The following XRCC5 variants were observed in gnomAD, a reference collection of about 807,000 sequenced individuals.
XRCC5 encodes DNA repair protein Ku80.
Under a neutral mutation model 95.7 loss-of-function variants are expected in XRCC5, and 12 were observed. The observed-to-expected ratio is 0.13, with a 90% CI of 0.08 to 0.20. The LOEUF is 0.20. Among genes scored for constraint, XRCC5 ranks in the 10% least tolerant of loss-of-function variants. The pLI is 1.00. For missense variants in XRCC5, 595 were observed against 873.9 expected (o/e 0.68, Z 4.02); for synonymous variants, 281 against 290.3 (o/e 0.97, Z 0.33).
At chr2:216,198,535 T>C (rs189929178) in intron 19 of XRCC5, among the ~76,000 whole-genome samples, 49 of 81,008 alleles carry the variant, frequency 6.0e-4, no homozygotes, top group Non-Finnish European at 5.6e-4. Context: ...AAAAATGCTT[T>C]TATTTATTTA....
chr2:216,112,425 G>T (rs1014486288), intron 1 of XRCC5, among the ~76,000 whole-genome samples: 1 of 152,174 alleles, frequency 6.6e-6, no homozygotes, highest in Non-Finnish European at 1.5e-5. Context: ...ATGGAACATT[G>T]TTCTGGTATT....
At chr2:216,178,883 A>G (rs562231982) in intron 16 of XRCC5, among the ~76,000 whole-genome samples, 2 of 152,372 alleles carry the variant, frequency 1.3e-5, no homozygotes, top group East Asian at 3.9e-4. Context: ...AGGCTTTTAG[A>G]GGAATAAACC....
At position 216,112,961 on chromosome 2, in the gene XRCC5, A is replaced by C. The variant is rs12468192; in HGVS notation, c.22-55A>C. On this transcript the variant is annotated intron_variant, in intron 1 of 20. Coordinates refer to ENST00000392132, the MANE Select transcript of XRCC5 (RefSeq NM_021141.4). ...AATACAATAAGCAAGGGACATTCTT[A>C]CAGTCTTTTCTTACGACTTATTTTC... 1.3e-3 allele frequency: 1,770 copies of C among 1,369,538 alleles called. 18 individuals are homozygous for C. The African/African-American group carries it at 0.023, about 18-fold the overall frequency. 84.8% of individuals were successfully genotyped at this position (1,369,538 alleles called of 1,614,324 possible).
At chr2:216,152,838 G>A (rs1043471049) in intron 14 of XRCC5, among the ~76,000 whole-genome samples, 2 of 151,866 alleles carry the variant, frequency 1.3e-5, no homozygotes, top group Non-Finnish European at 2.9e-5. Flanking sequence ...TGTCGAGATA[G>A]AGTCTTACTT....
At chr2:216,143,701 C>CT (rs1238978612) in intron 13 of XRCC5, among the ~76,000 whole-genome samples, 2,295 of 142,748 alleles carry the variant, frequency 0.016, 49 homozygotes, top group African/African-American at 0.053. Flanking sequence ...CTATAAGCTG[C>CT]TTTTTTTTTT....
intron 16 of XRCC5, among the ~76,000 whole-genome samples, chr2:216,163,420 G>T (rs1447239227): frequency 1.3e-5 from 2 of 152,016 alleles, no homozygotes; most frequent in Non-Finnish European, 2.9e-5. Context: ...CTCCTGAGTA[G>T]CTGGAACTAC....
At position 216,113,208 on chromosome 2, in the gene XRCC5, G is replaced by C. The variant is rs1332202013; in HGVS notation, c.135+79G>C. On this transcript the variant is annotated intron_variant, in intron 2 of 20. Transcript: ENST00000392132. Reference sequence around the variant, plus strand: ...CTCTACCTACTAATGCAAGATACCAGCCTCCTTATAGTGTCCAGCCCCTCT... The same window carrying C: ...CTCTACCTACTAATGCAAGATACCACCCTCCTTATAGTGTCCAGCCCCTCT... 8 of 1,237,938 alleles carry C rather than the reference G, an allele frequency of 6.5e-6. No homozygotes were observed. The African/African-American group carries it at 1.0e-4, about 16-fold the overall frequency. 76.7% of individuals were successfully genotyped at this position (1,237,938 alleles called of 1,614,324 possible).
Position 216,116,675 on chromosome 2 carries a change from A to G in XRCC5, c.152A>G (p.Lys51Arg). Reference sequence around the variant, plus strand: ...TTTTTCTAGGTGTTTGCTGAGAACAAGGATGAGATTGCTTTAGTCCTGTTT... The same window carrying G: ...TTTTTCTAGGTGTTTGCTGAGAACAGGGATGAGATTGCTTTAGTCCTGTTT... ...FVQRQVFAENKDEIALVLFGT... is the reference protein window; with the variant it reads ...FVQRQVFAENRDEIALVLFGT... The change falls in exon 3 of 21, where the codon AAG becomes AGG. Residue 51 changes from lysine to arginine, a missense_variant. Lys to Arg is a conservative substitution (Grantham distance 26, BLOSUM62 2). Around this residue, in one of 2 missense-constraint regions of XRCC5, gnomAD observed 286 missense variants for 491.1 expected, o/e 0.58. Transcript: ENST00000392132. 2 of 1,614,228 alleles carry G rather than the reference A, an allele frequency of 1.2e-6. No homozygotes were observed. Among genetic ancestry groups the G allele is most frequent in the Non-Finnish European group, 1.7e-6 (2 of 1,180,034 alleles).
At chr2:216,143,701 CTT>C (rs1238978612) in intron 13 of XRCC5, among the ~76,000 whole-genome samples, 2 of 142,790 alleles carry the variant, frequency 1.4e-5, no homozygotes, top group African/African-American at 2.6e-5. Flanking sequence ...CTATAAGCTG[CTT>C]TTTTTTTTTT....
chr2:216,182,512 C>T (rs1025428610), intron 16 of XRCC5, among the ~76,000 whole-genome samples: 1 of 152,106 alleles, frequency 6.6e-6, no homozygotes, highest in African/African-American at 2.4e-5. Context: ...TTTTAGTAAG[C>T]ATTGGCAAGT....
chr2:216,194,577 C>A (rs1689680396), intron 18 of XRCC5, among the ~76,000 whole-genome samples: 1 of 152,140 alleles, frequency 6.6e-6, no homozygotes, highest in Non-Finnish European at 1.5e-5. Flanking sequence ...ATTACACAGG[C>A]AAAAACTGGA....
chr2:216,181,446 A>G (rs1689384554), intron 16 of XRCC5, among the ~76,000 whole-genome samples: 1 of 152,158 alleles, frequency 6.6e-6, no homozygotes, highest in South Asian at 2.1e-4. Context: ...ACCCATTCTT[A>G]TACAGATTCC....
intron 14 of XRCC5, among the ~76,000 whole-genome samples, chr2:216,152,485 C>A (rs992908379): frequency 3.9e-5 from 6 of 151,902 alleles, no homozygotes; most frequent in African/African-American, 7.2e-5. Flanking sequence ...CAAAGCGTAA[C>A]CGTATCAGGT....
intron 18 of XRCC5, among the ~76,000 whole-genome samples, chr2:216,194,409 G>A (rs192213489): frequency 9.9e-4 from 151 of 152,244 alleles, no homozygotes; most frequent in Non-Finnish European, 1.7e-3. Context: ...TTAGGAGAGA[G>A]AACATGTGTA....
intron 11 of XRCC5, 33 bp from the exon 12 acceptor site, chr2:216,138,056 G>C (rs762534047): frequency 3.3e-6 from 5 of 1,523,958 alleles, no homozygotes; most frequent in Non-Finnish European, 2.7e-6. Flanking sequence ...TAATTTCATC[G>C]TTTCTGCTTT....
intron 16 of XRCC5, among the ~76,000 whole-genome samples, chr2:216,180,732 A>G (rs558818522): frequency 6.6e-6 from 1 of 151,958 alleles, no homozygotes. Context: ...CACCTAAGTG[A>G]TGGCGTGTCC....
intron 14 of XRCC5, among the ~76,000 whole-genome samples, chr2:216,152,850 G>C (rs895571014): frequency 6.6e-6 from 1 of 151,828 alleles, no homozygotes; most frequent in African/African-American, 2.4e-5. Flanking sequence ...GTCTTACTTT[G>C]TTCCCTAGGA....
At chr2:216,156,328 A>C in intron 14 of XRCC5, 1 of 656,482 alleles carries the variant, frequency 1.5e-6, no homozygotes, top group South Asian at 1.4e-5. Context: ...GATGCTGTGG[A>C]GGTACCTTTC....
At chr2:216,137,773 G>A (rs1386005665) in intron 11 of XRCC5, among the ~76,000 whole-genome samples, 1 of 152,234 alleles carries the variant, frequency 6.6e-6, no homozygotes, top group African/African-American at 2.4e-5. Flanking sequence ...ACTGGAAAGA[G>A]AAGGCACATA....
Sources: allele counts gnomAD v4.1 joint callset (sites outside exome capture counted in the v4.1 genomes callset), GRCh38; gene constraint gnomAD v4.1.1; regional missense constraint gnomAD v4.1.1; transcripts MANE v1.5; gene names NCBI Gene and HGNC (gene_info 2026-07-23, HGNC 2026-07-21).